The following AP2B1 variants were observed in gnomAD, a reference collection of about 807,000 sequenced individuals.
AP2B1 encodes adaptor related protein complex 2 subunit beta 1.
In AP2B1, 23 loss-of-function variants were observed where a neutral mutation model predicts 102.0. The ratio of observed to expected loss-of-function variants is 0.23; its 90% CI spans 0.16 to 0.32. The LOEUF is 0.32. AP2B1 is among the 10% of genes least tolerant of loss of function. The pLI, the probability that AP2B1 is intolerant of heterozygous loss-of-function variation, is 1.00. For missense variants in AP2B1, 541 were observed against 1,157.4 expected (o/e 0.47, Z 7.73); for synonymous variants, 381 against 421.2 (o/e 0.90, Z 1.17).
At chr17:35,722,138 C>T (rs1234421985) in intron 21 of AP2B1, among the ~76,000 whole-genome samples, 4 of 152,012 alleles carry the variant, frequency 2.6e-5, no homozygotes, top group Admixed American at 6.6e-5. Flanking sequence ...TAGCTACTCG[C>T]GAGGCTCAGG....
chr17:35,700,912 T>C (rs2076227553), intron 18 of AP2B1, among the ~76,000 whole-genome samples: 1 of 152,216 alleles, frequency 6.6e-6, no homozygotes, highest in South Asian at 2.1e-4. Flanking sequence ...TGCTTTCCTA[T>C]TGATGTCCCT....
intron 18 of AP2B1, among the ~76,000 whole-genome samples, chr17:35,704,609 G>C (rs1031061124): frequency 6.6e-6 from 1 of 152,172 alleles, no homozygotes; most frequent in Non-Finnish European, 1.5e-5. Flanking sequence ...TCATAGAATT[G>C]TATGCGTTGG....
intron 12 of AP2B1, among the ~76,000 whole-genome samples, chr17:35,648,063 T>G (rs893567415): frequency 1.3e-5 from 2 of 152,166 alleles, no homozygotes; most frequent in Non-Finnish European, 2.9e-5. Flanking sequence ...GGTCTGGTTA[T>G]GAGTTTGAAA....
At chr17:35,672,672 A>G (rs975253531) in intron 16 of AP2B1, among the ~76,000 whole-genome samples, 1 of 152,204 alleles carries the variant, frequency 6.6e-6, no homozygotes, top group Non-Finnish European at 1.5e-5. Context: ...GATATTCAAA[A>G]TTGAGCCATA....
chr17:35,681,344 A>G (rs1435045356), intron 17 of AP2B1, among the ~76,000 whole-genome samples: 2 of 152,254 alleles, frequency 1.3e-5, no homozygotes, highest in Non-Finnish European at 2.9e-5. Flanking sequence ...CAGGTTATCA[A>G]GCCTGTAAAA....
chr17:35,637,438 C>T (rs931214476), intron 10 of AP2B1, among the ~76,000 whole-genome samples: 1 of 152,046 alleles, frequency 6.6e-6, no homozygotes, highest in Non-Finnish European at 1.5e-5. Flanking sequence ...CCTCAGCCTC[C>T]CAAAGTGCTG....
chr17:35,650,355 A>G (rs774482479), intron 12 of AP2B1, among the ~76,000 whole-genome samples, 175 bp from the exon 13 acceptor site: 1 of 152,100 alleles, frequency 6.6e-6, no homozygotes, highest in African/African-American at 2.4e-5. Context: ...TCAGCCTCCC[A>G]AGGTGTTGGG....
At chr17:35,594,576 ATTT>A (rs980201924) in intron 2 of AP2B1, among the ~76,000 whole-genome samples, 2 of 152,292 alleles carry the variant, frequency 1.3e-5, no homozygotes, top group East Asian at 3.9e-4. Flanking sequence ...ATGATTTAAA[ATTT>A]TTTTATCTTT....
At position 35,709,215 on chromosome 17, in the gene AP2B1, T is replaced by G. The variant is rs782302697; in HGVS notation, c.2455-9T>G. ...ATGTCCTCATTTGACCTTGTTGCTT[T>G]CCTGGCAGGTGGCTGTGAAAAACAA... On this transcript the variant is annotated splice_polypyrimidine_tract_variant and intron_variant, in intron 18 of 21. Transcript: ENST00000610402. 12 of 1,613,862 alleles carry G rather than the reference T, an allele frequency of 7.4e-6. No individual in the cohort carries two copies. In the African/African-American group the frequency reaches 1.6e-4, roughly 22 times the overall value.
intron 1 of AP2B1, chr17:35,587,881 G>C (rs1436531755): frequency 6.6e-6 from 1 of 152,110 alleles, no homozygotes; most frequent in Non-Finnish European, 1.5e-5. Context: ...GTCGTCTCTC[G>C]GGTAACTTGA....
At chr17:35,630,769 A>G (rs1290514450) in intron 9 of AP2B1, among the ~76,000 whole-genome samples, 1 of 152,144 alleles carries the variant, frequency 6.6e-6, no homozygotes, top group Admixed American at 6.6e-5. Context: ...GCGTGCTTTG[A>G]TGGGAGTATG....
Position 35,717,183 on chromosome 17 carries a change from C to G in AP2B1, c.2627-12C>G. 2 of 1,612,572 alleles carry G rather than the reference C, an allele frequency of 1.2e-6. No homozygotes were observed. Among genetic ancestry groups the G allele is most frequent in the Non-Finnish European group, 1.7e-6 (2 of 1,179,236 alleles). On this transcript the variant is annotated splice_polypyrimidine_tract_variant and intron_variant, in intron 20 of 21. Coordinates refer to ENST00000610402, the MANE Select transcript of AP2B1 (RefSeq NM_001030006.2). ...TAACTGAAGGTGTTGGATTTTGAAT[C>G]TGTATTTCTAGACACTGTTTCCAGC...
intron 19 of AP2B1, 31 bp downstream of exon 19, chr17:35,709,339 A>G (rs2076403071): frequency 6.3e-7 from 1 of 1,579,568 alleles, no homozygotes; most frequent in South Asian, 1.1e-5. Flanking sequence ...CCTGCTGAAT[A>G]TACCTTTGCC....
At chr17:35,632,660 G>GT (rs903905322) in intron 9 of AP2B1, among the ~76,000 whole-genome samples, 1,992 of 142,898 alleles carry the variant, frequency 0.014, 27 homozygotes, top group African/African-American at 0.041. Flanking sequence ...TTTAATGGTA[G>GT]TTTTTTTTTT....
intron 1 of AP2B1, among the ~76,000 whole-genome samples, chr17:35,589,713 C>T (rs951805988): frequency 6.6e-6 from 1 of 152,154 alleles, no homozygotes. Context: ...TAGGCCATAC[C>T]GTAAATCCTC....
At chr17:35,630,095 G>C (rs2074421911) in intron 9 of AP2B1, among the ~76,000 whole-genome samples, 1 of 152,198 alleles carries the variant, frequency 6.6e-6, no homozygotes, top group African/African-American at 2.4e-5. Context: ...CGGAACAAAA[G>C]GAGGCAGATG....
chr17:35,686,164 G>A (rs2075926935), intron 18 of AP2B1, among the ~76,000 whole-genome samples: 1 of 152,164 alleles, frequency 6.6e-6, no homozygotes, highest in African/African-American at 2.4e-5. Context: ...TACTGACATC[G>A]ACTGTAAAAG....
Position 35,724,353 on chromosome 17 carries a change from T to C in AP2B1, c.*654T>C, listed in dbSNP as rs587674264. 6.6e-6 allele frequency: 1 copy of C among 152,366 alleles called. No homozygotes were observed. Among genetic ancestry groups the C allele is most frequent in the African/African-American group, 2.4e-5 (1 of 41,574 alleles). The allele number at this position is 152,366 out of a possible 1,614,324, so 9.4% of individuals were successfully genotyped here. Reference sequence around the variant, plus strand: ...TTCATGCTTCCCCCTTTCCATATTATAATCTCATTTGATTGCTCTGCAGTT... The same window carrying C: ...TTCATGCTTCCCCCTTTCCATATTACAATCTCATTTGATTGCTCTGCAGTT... On this transcript the variant is annotated 3_prime_UTR_variant, in exon 22 of 22. Coordinates refer to ENST00000610402, the MANE Select transcript of AP2B1 (RefSeq NM_001030006.2).
At position 35,677,053 on chromosome 17, in the gene AP2B1, A is replaced by G. The variant is rs112939799; in HGVS notation, c.2324+2732A>G. 5.2e-3 allele frequency among the ~76,000 whole-genome samples: 791 copies of G among 152,250 alleles called. 8 individuals carry two copies. Among genetic ancestry groups the G allele is most frequent in the African/African-American group, 0.018 (748 of 41,540 alleles). The stretch of plus-strand genomic sequence containing the variant: ...CACCCAGGCTGGAGTGCAGTGGCAC[A>G]ATCAAGGCCTACTATTGCCTCAAAT... On this transcript the variant is annotated intron_variant, in intron 17 of 21. Transcript: ENST00000610402.
Sources: gnomAD v4.1 joint callset for allele counts (sites outside exome capture counted in the v4.1 genomes callset) on GRCh38, gnomAD v4.1.1 for gene constraint, MANE v1.5 for transcripts, NCBI Gene and HGNC (gene_info 2026-07-23, HGNC 2026-07-21) for gene names.